SEMA5A: variants seen among roughly 807,000 people sequenced by gnomAD.
SEMA5A encodes the protein semaphorin-5A.
Under a neutral mutation model 135.5 loss-of-function variants are expected in SEMA5A, and 55 were observed. The observed-to-expected ratio is 0.41, with a 90% CI of 0.33 to 0.51. The LOEUF (loss-of-function observed/expected upper bound fraction) is 0.51, where lower values mean the gene tolerates loss of function less well. Ranked by LOEUF, SEMA5A falls within the 20% of genes least tolerant of loss-of-function variation. SEMA5A has a pLI of 0.37. For synonymous variants in SEMA5A, 580 were observed against 546.5 expected (o/e 1.06, Z -0.85); for missense variants, 1,290 against 1,419.9 (o/e 0.91, Z 1.47).
At chr5:9,169,059 G>A (rs1349358806) in intron 11 of SEMA5A, among the ~76,000 whole-genome samples, 1 of 152,122 alleles carries the variant, frequency 6.6e-6, no homozygotes, top group African/African-American at 2.4e-5. Context: ...AAAAAATCCT[G>A]GGGGTCTAAT....
intron 6 of SEMA5A, among the ~76,000 whole-genome samples, chr5:9,230,578 C>T (rs962381006): frequency 2.0e-5 from 3 of 152,164 alleles, no homozygotes; most frequent in Non-Finnish European, 4.4e-5. Flanking sequence ...TGAGCCACAT[C>T]CCCATGTGTC....
intron 7 of SEMA5A, among the ~76,000 whole-genome samples, chr5:9,225,389 TAAAAA>T (rs34806769): frequency 2.7e-3 from 116 of 43,110 alleles, no homozygotes; most frequent in African/African-American, 0.011. Flanking sequence ...CCATCTCTAC[TAAAAA>T]AAAAAAAAAA....
At chr5:9,272,932 CA>C (rs1418574017) in intron 5 of SEMA5A, among the ~76,000 whole-genome samples, 1 of 152,062 alleles carries the variant, frequency 6.6e-6, no homozygotes, top group African/African-American at 2.4e-5. Flanking sequence ...CTAAAAATTC[CA>C]AAAACCAGAA....
chr5:9,160,709 G>C (rs1351662161), intron 11 of SEMA5A, among the ~76,000 whole-genome samples: 3 of 152,150 alleles, frequency 2.0e-5, no homozygotes, highest in Non-Finnish European at 4.4e-5. Context: ...CTGATGTCAG[G>C]TATAAAATGC....
intron 3 of SEMA5A, among the ~76,000 whole-genome samples, chr5:9,338,301 A>G (rs1753487410): frequency 6.6e-6 from 1 of 152,054 alleles, no homozygotes; most frequent in South Asian, 2.1e-4. Context: ...TTGGGTTTCT[A>G]TTTTGGCCCC....
At chr5:9,433,435 G>GA (rs1481506419) in intron 2 of SEMA5A, among the ~76,000 whole-genome samples, 1 of 151,778 alleles carries the variant, frequency 6.6e-6, no homozygotes, top group Non-Finnish European at 1.5e-5. Flanking sequence ...TGAAATAGCG[G>GA]AAAAAACAGT....
intron 2 of SEMA5A, among the ~76,000 whole-genome samples, chr5:9,406,584 G>A (rs1051410633): frequency 2.6e-5 from 4 of 152,022 alleles, no homozygotes; most frequent in African/African-American, 7.2e-5. Flanking sequence ...ATATTTATTG[G>A]ATATGTCAAG....
intron 3 of SEMA5A, among the ~76,000 whole-genome samples, chr5:9,347,802 C>T (rs927913663): frequency 2.6e-5 from 4 of 152,098 alleles, no homozygotes; most frequent in Non-Finnish European, 4.4e-5. Context: ...TAAGCTAGAT[C>T]GTCGTCACAA....
chr5:9,289,560 G>C (rs910840351), intron 5 of SEMA5A, among the ~76,000 whole-genome samples: 2 of 151,762 alleles, frequency 1.3e-5, no homozygotes, highest in Admixed American at 1.3e-4. Flanking sequence ...AGCAATTCAG[G>C]AGGCTGAGGC....
intron 5 of SEMA5A, among the ~76,000 whole-genome samples, chr5:9,311,201 C>A (rs1240053287): frequency 2.6e-5 from 4 of 151,904 alleles, no homozygotes; most frequent in African/African-American, 9.7e-5. Context: ...CTGGTCTCTA[C>A]ACGCTAGATG....
At chr5:9,206,235 C>T (rs569253351) in intron 8 of SEMA5A, among the ~76,000 whole-genome samples, 2 of 152,052 alleles carry the variant, frequency 1.3e-5, no homozygotes, top group African/African-American at 2.4e-5. Context: ...AAAACAGGCA[C>T]GTCAGCTGCT....
intron 1 of SEMA5A, among the ~76,000 whole-genome samples, chr5:9,535,619 T>C (rs1259649939): frequency 1.3e-5 from 2 of 152,094 alleles, no homozygotes; most frequent in Non-Finnish European, 2.9e-5. Flanking sequence ...GGGAATACTT[T>C]CAACTCAACC....
rs760558138 is a variant in SEMA5A, at chr5:9,122,761, G to A, written c.1676C>T (p.Ala559Val). Residue 559 changes from alanine to valine, a missense_variant, in exon 14 of 23, where the codon GCC becomes GTC. Physicochemically the swap from Ala to Val is moderately conservative, Grantham distance 64. This residue lies in a region of SEMA5A where 1,029 missense variants were observed against 1,086.6 expected (regional missense o/e 0.95). Coordinates refer to ENST00000382496, the MANE Select transcript of SEMA5A (RefSeq NM_003966.3). ...GGTTCGACAGAGGCAGGATCCCACGGCGCTGCCATCTGTGTGCGTGCAAGG... is the reference window on the plus strand; with the variant it reads ...GGTTCGACAGAGGCAGGATCCCACGACGCTGCCATCTGTGTGCGTGCAAGG... ...WTPCTHTDGS[A>V]VGSCLCRTRS... 1.6e-5 allele frequency: 26 copies of A among 1,613,558 alleles called. 1 individual carries two copies. The South Asian group carries it at 2.9e-4, about 18-fold the overall frequency.
At chr5:9,231,695 C>A (rs994546385) in intron 6 of SEMA5A, among the ~76,000 whole-genome samples, 1 of 152,096 alleles carries the variant, frequency 6.6e-6, no homozygotes, top group Non-Finnish European at 1.5e-5. Context: ...ATGTAGAAGT[C>A]CCTTTAGGAG....
intron 8 of SEMA5A, among the ~76,000 whole-genome samples, chr5:9,218,783 C>T (rs10042101): frequency 0.068 from 10,319 of 152,286 alleles, 425 homozygotes; most frequent in Middle Eastern, 0.13. Flanking sequence ...ATGGATGTAG[C>T]TTGAATGTGC....
intron 15 of SEMA5A, among the ~76,000 whole-genome samples, chr5:9,111,741 A>G (rs1438074005): frequency 1.3e-5 from 2 of 152,080 alleles, no homozygotes; most frequent in East Asian, 3.9e-4. Flanking sequence ...TTCACTTAGG[A>G]ATTCACCCTG....
intron 13 of SEMA5A, among the ~76,000 whole-genome samples, chr5:9,126,508 G>A (rs963149303): frequency 6.6e-6 from 1 of 150,438 alleles, no homozygotes; most frequent in Non-Finnish European, 1.5e-5. Context: ...AGTTCATCTT[G>A]CCCTCCACTC....
At chr5:9,491,972 T>C (rs1037816933) in intron 1 of SEMA5A, among the ~76,000 whole-genome samples, 1 of 152,202 alleles carries the variant, frequency 6.6e-6, no homozygotes, top group African/African-American at 2.4e-5. Flanking sequence ...CTATGACCAA[T>C]CTTCCTGGAT....
intron 3 of SEMA5A, among the ~76,000 whole-genome samples, chr5:9,364,151 C>T (rs1362670205): frequency 6.6e-6 from 1 of 152,182 alleles, no homozygotes; most frequent in African/African-American, 2.4e-5. Context: ...TCTTTAACAA[C>T]CATGTAAATT....
Sources: allele counts gnomAD v4.1 joint callset (sites outside exome capture counted in the v4.1 genomes callset), GRCh38; gene constraint gnomAD v4.1.1; regional missense constraint gnomAD v4.1.1; transcripts MANE v1.5; gene names NCBI Gene and HGNC (gene_info 2026-07-23, HGNC 2026-07-21).